Variants in PGS1 observed in about 807,000 individuals in gnomAD.
The protein encoded by PGS1 is phosphatidylglycerophosphate synthase 1.
PGS1 carries 44 observed loss-of-function variants against 58.3 expected under a neutral mutation model. That is an observed-to-expected ratio of 0.75 (90% CI 0.59 to 0.97). PGS1 has a LOEUF of 0.97. Among genes scored for constraint, PGS1 ranks in the 50% least tolerant of loss-of-function variants. PGS1 has a pLI of 0.00. For synonymous variants in PGS1, 330 were observed against 311.0 expected (o/e 1.06, Z -0.64); for missense variants, 684 against 731.1 (o/e 0.94, Z 0.74).
Position 78,424,310 on chromosome 17 carries a change from T to A in PGS1, c.*260T>A. 1.1e-6 allele frequency: 1 copy of A among 885,944 alleles called. No individual in the cohort carries two copies. Among genetic ancestry groups the A allele is most frequent in the Non-Finnish European group, 1.7e-6 (1 of 600,442 alleles). The allele number at this position is 885,944 out of a possible 1,614,324, so 54.9% of individuals were successfully genotyped here. A position where few individuals can be genotyped will look rare whatever the true frequency, so the allele number is the denominator to read the frequency against. On this transcript the variant is annotated 3_prime_UTR_variant, in exon 10 of 10. Transcript: ENST00000262764. ...CTGCCACGGCTGGAAGCAGAGGCCT[T>A]CGTAGGTGATGGCCTGCATGTTGTA... is the stretch of plus-strand genomic sequence containing the variant.
chr17:78,397,351 G>T (rs550060633), intron 3 of PGS1, among the ~76,000 whole-genome samples: 12 of 152,336 alleles, frequency 7.9e-5, no homozygotes, highest in African/African-American at 2.9e-4. Context: ...CAGAGTTACT[G>T]GTGGGAGCTA....
intron 1 of PGS1, 85 bp downstream of exon 1, chr17:78,378,893 T>G: frequency 7.7e-7 from 1 of 1,306,284 alleles, no homozygotes; most frequent in Non-Finnish European, 9.8e-7. Context: ...CCCAGCGTCC[T>G]GGGCATCCGC....
chr17:78,394,197 A>AG (rs2083049743), intron 2 of PGS1, among the ~76,000 whole-genome samples: 6 of 151,428 alleles, frequency 4.0e-5, no homozygotes, highest in African/African-American at 1.2e-4. Context: ...AAAAAAAAAA[A>AG]AAGAATGAAG....
intron 7 of PGS1, among the ~76,000 whole-genome samples, chr17:78,406,233 G>A (rs1450293641): frequency 2.0e-5 from 3 of 152,124 alleles, no homozygotes; most frequent in East Asian, 1.9e-4. Context: ...CAGGAGAATG[G>A]CGTGAACCCG....
rs767465456 is a variant in PGS1 at position 78,400,698 on chromosome 17, C to A, written c.723C>A (p.Tyr241Ter). The change falls in exon 6 of 10, where the codon TAC (tyrosine) becomes TAA (stop). Residue 241 changes from tyrosine (Y) to a stop codon, truncating the protein, a stop_gained. Transcript: ENST00000262764. LOFTEE classifies it high-confidence loss of function. This position sits in a 1 kb window ranked among gnomAD's most constrained non-coding sequence, Gnocchi z 4.4. The stretch of plus-strand genomic sequence containing the variant: ...GTAGTGCAAACCTGAGTGACTCCTA[C>A]TTCACCAACCGCCAGGACCGCTACG... Reference protein sequence around the residue: ...ILSGANLSDSYFTNRQDRYVF... With the variant: ...ILSGANLSDS 3.1e-6 allele frequency: 5 copies of A among 1,613,950 alleles called. No individual in the cohort carries two copies. Among genetic ancestry groups the A allele is most frequent in the Non-Finnish European group, 4.2e-6 (5 of 1,179,940 alleles).
intron 7 of PGS1, among the ~76,000 whole-genome samples, chr17:78,406,645 G>C (rs956872428): frequency 6.6e-6 from 1 of 152,256 alleles, no homozygotes; most frequent in Non-Finnish European, 1.5e-5. Context: ...GGTGGCCCCA[G>C]CCCGTGGCGG....
chr17:78,398,433 C>A, intron 4 of PGS1, 82 bp downstream of exon 4: 1 of 939,614 alleles, frequency 1.1e-6, no homozygotes, highest in Non-Finnish European at 1.7e-6. Context: ...ACCCCCTCAT[C>A]CCCAGGCAGA....
At chr17:78,391,335 T>A (rs1402668887) in intron 1 of PGS1, among the ~76,000 whole-genome samples, 1 of 152,200 alleles carries the variant, frequency 6.6e-6, no homozygotes, top group Non-Finnish European at 1.5e-5. Flanking sequence ...TTTGATTGAT[T>A]GAGACAGGGT....
At chr17:78,399,752 TAGTC>T (rs2083509501) in intron 5 of PGS1, among the ~76,000 whole-genome samples, 1 of 152,230 alleles carries the variant, frequency 6.6e-6, no homozygotes, top group Admixed American at 6.5e-5. Flanking sequence ...ACAGGGCACT[TAGTC>T]TGTGCTGGCC....
At chr17:78,408,428 G>T (rs908907915) in intron 7 of PGS1, among the ~76,000 whole-genome samples, 6 of 152,314 alleles carry the variant, frequency 3.9e-5, no homozygotes, top group Admixed American at 6.5e-5. Context: ...GATGGCTCTA[G>T]ATTGTCAGGA....
intron 1 of PGS1, among the ~76,000 whole-genome samples, chr17:78,385,653 G>A (rs1359633447): frequency 6.6e-6 from 1 of 152,144 alleles, no homozygotes; most frequent in Non-Finnish European, 1.5e-5. Flanking sequence ...TTGAACTCCT[G>A]ACCTCATCAT....
intron 9 of PGS1, 195 bp from the exon 10 acceptor site, chr17:78,423,866 G>T: frequency 1.2e-6 from 2 of 1,608,502 alleles, no homozygotes; most frequent in South Asian, 2.2e-5. Flanking sequence ...CTGAGTTGTG[G>T]TCCAGCCCCA....
At chr17:78,398,805 C>G (rs989703671) in intron 4 of PGS1, among the ~76,000 whole-genome samples, 2 of 152,248 alleles carry the variant, frequency 1.3e-5, no homozygotes, top group Non-Finnish European at 1.5e-5. Flanking sequence ...TGGCTTCCTT[C>G]TCAGGCTCTG....
chr17:78,423,932 C>A, intron 9 of PGS1, 129 bp from the exon 10 acceptor site: 2 of 1,613,998 alleles, frequency 1.2e-6, no homozygotes, highest in Non-Finnish European at 1.7e-6. Context: ...AGCGCCACGG[C>A]TGCCAGGATC....
intron 9 of PGS1, chr17:78,420,262 C>G: frequency 1.0e-6 from 1 of 980,690 alleles, no homozygotes; most frequent in Non-Finnish European, 1.2e-6. Flanking sequence ...ACCTGCTCTG[C>G]CCACCCAGGA....
rs919308419 is a variant in PGS1 at position 78,382,226 on chromosome 17, G to C, written c.143+3418G>C. On this transcript the variant is annotated intron_variant, in intron 1 of 9. Transcript: ENST00000262764. ...TCCAGGAGCTGACTAGGGGTACCGA[G>C]TAGGGGATGGAGGGAGGGAAGAAGA... Among the ~76,000 whole-genome samples the C allele has an allele frequency of 4.6e-5, 7 of 152,316 alleles. 1 individual carries two copies. The highest frequency in any genetic ancestry group is 6.5e-5 in the Admixed American group (1 of 15,286).
At chr17:78,423,847 G>A (rs2086215087) in intron 9 of PGS1, 1 of 1,597,580 alleles carries the variant, frequency 6.3e-7, no homozygotes, top group Non-Finnish European at 8.6e-7. Context: ...CAGGTGCACA[G>A]GTGAAGGGCT....
intron 9 of PGS1, among the ~76,000 whole-genome samples, chr17:78,423,121 G>C (rs1419372708): frequency 1.0e-5 from 1 of 99,764 alleles, no homozygotes; most frequent in Non-Finnish European, 2.3e-5. Flanking sequence ...AAAAAAAAAT[G>C]TTGATCCTGT....
At chr17:78,385,430 A>C (rs1371673964) in intron 1 of PGS1, among the ~76,000 whole-genome samples, 1 of 152,158 alleles carries the variant, frequency 6.6e-6, no homozygotes, top group Non-Finnish European at 1.5e-5. Context: ...CTGGGACTGC[A>C]GGTGCCTGCC....
Sources: allele counts gnomAD v4.1 joint callset (sites outside exome capture counted in the v4.1 genomes callset), GRCh38; gene constraint gnomAD v4.1.1; non-coding constraint Gnocchi (gnomAD v3.1); transcripts MANE v1.5; gene names NCBI Gene and HGNC (gene_info 2026-07-23, HGNC 2026-07-21).